UBE2E2: variants seen among roughly 807,000 people sequenced by gnomAD.
UBE2E2 encodes the protein ubiquitin conjugating enzyme E2 E2.
UBE2E2 carries 6 observed loss-of-function variants against 24.7 expected under a neutral mutation model. That is an observed-to-expected ratio of 0.24 (90% CI 0.13 to 0.48). The LOEUF (loss-of-function observed/expected upper bound fraction) is 0.48. Among genes scored for constraint, UBE2E2 ranks in the 20% least tolerant of loss-of-function variants. The pLI is 0.99. For missense variants in UBE2E2, 169 were observed against 245.0 expected (o/e 0.69, Z 2.07); for synonymous variants, 104 against 83.6 (o/e 1.24, Z -1.33).
intron 3 of UBE2E2, among the ~76,000 whole-genome samples, chr3:23,404,254 T>C (rs916443637): frequency 8.5e-5 from 13 of 152,194 alleles, no homozygotes; most frequent in African/African-American, 3.1e-4. Flanking sequence ...TTGGTATTTA[T>C]TGAACATTGG....
At chr3:23,350,305 T>A (rs537064765) in intron 3 of UBE2E2, among the ~76,000 whole-genome samples, 86 of 152,184 alleles carry the variant, frequency 5.7e-4, no homozygotes, top group African/African-American at 2.0e-3. Flanking sequence ...GCAGAAAAAC[T>A]GGAAACCCTA....
intron 3 of UBE2E2, among the ~76,000 whole-genome samples, chr3:23,356,921 C>G (rs1695971108): frequency 6.6e-6 from 1 of 152,246 alleles, no homozygotes; most frequent in Non-Finnish European, 1.5e-5. Context: ...AAGTTTATTT[C>G]TCCTCACACA....
chr3:23,358,587 GAATT>G (rs1696030660), intron 3 of UBE2E2, among the ~76,000 whole-genome samples: 1 of 152,042 alleles, frequency 6.6e-6, no homozygotes, highest in African/African-American at 2.4e-5. Flanking sequence ...AACAATCTGA[GAATT>G]AAATTCATAT....
At chr3:23,586,685 C>T (rs1335292228) in intron 5 of UBE2E2, among the ~76,000 whole-genome samples, 8 of 152,076 alleles carry the variant, frequency 5.3e-5, no homozygotes, top group African/African-American at 1.9e-4. Context: ...ATTTGTATAA[C>T]TTCCAAAGAT....
At chr3:23,332,093 A>G (rs1695073507) in intron 3 of UBE2E2, among the ~76,000 whole-genome samples, 1 of 152,118 alleles carries the variant, frequency 6.6e-6, no homozygotes, top group Non-Finnish European at 1.5e-5. Context: ...AATAATTTGT[A>G]TTAATGCTAT....
chr3:23,234,189 T>A (rs1034270606), intron 3 of UBE2E2, among the ~76,000 whole-genome samples: 4 of 151,710 alleles, frequency 2.6e-5, no homozygotes, highest in African/African-American at 9.7e-5. Context: ...TCTGTCATCA[T>A]TCTCTGTGCC....
At chr3:23,549,763 T>C (rs755346526) in intron 5 of UBE2E2, among the ~76,000 whole-genome samples, 2 of 152,148 alleles carry the variant, frequency 1.3e-5, no homozygotes, top group Non-Finnish European at 2.9e-5. Flanking sequence ...CCGGGCGCGG[T>C]GGCTCACACC....
chr3:23,229,575 G>A (rs1696920832), intron 3 of UBE2E2, among the ~76,000 whole-genome samples: 1 of 152,212 alleles, frequency 6.6e-6, no homozygotes, highest in African/African-American at 2.4e-5. Flanking sequence ...TAACTAACTT[G>A]CTGAAGGTCA....
chr3:23,263,997 T>C (rs1356649277), intron 3 of UBE2E2, among the ~76,000 whole-genome samples: 2 of 152,178 alleles, frequency 1.3e-5, no homozygotes, highest in East Asian at 3.9e-4. Context: ...CTAATAATAA[T>C]AACAGTTAAC....
At chr3:23,517,368 A>G (rs147172873) in intron 4 of UBE2E2, among the ~76,000 whole-genome samples, 214 of 152,314 alleles carry the variant, frequency 1.4e-3, no homozygotes, top group Admixed American at 2.5e-3. Flanking sequence ...ATGACAAAGC[A>G]CATTTCCCTA....
intron 3 of UBE2E2, among the ~76,000 whole-genome samples, chr3:23,310,891 G>A (rs887772171): frequency 2.6e-5 from 4 of 152,046 alleles, no homozygotes; most frequent in African/African-American, 9.7e-5. Context: ...CAGTTCTAGG[G>A]TACATGTGCA....
intron 3 of UBE2E2, among the ~76,000 whole-genome samples, chr3:23,423,326 T>C (rs575699359): frequency 6.6e-6 from 1 of 152,328 alleles, no homozygotes; most frequent in East Asian, 1.9e-4. Flanking sequence ...TAAAGATATA[T>C]TTTTCAAAAG....
At chr3:23,538,271 TTG>T (rs1488539442) in intron 5 of UBE2E2, among the ~76,000 whole-genome samples, 41 of 152,172 alleles carry the variant, frequency 2.7e-4, no homozygotes, top group Admixed American at 2.7e-3. Context: ...AAAAGTTGGC[TTG>T]TCTTCTGTCA....
rs533287387 is a variant in UBE2E2, at chr3:23,483,154, G to A, written c.228-16454G>A. ...ATCTCCTGCTTTCAGTCCACACTAA[G>A]CCTTGCTGTCAGAGTGTTGCATGGA... On this transcript the variant is annotated intron_variant, in intron 3 of 5. Transcript: ENST00000396703. 5.3e-5 allele frequency among the ~76,000 whole-genome samples: 8 copies of A among 152,284 alleles called. No individual in the cohort carries two copies. In the East Asian group the frequency reaches 1.2e-3, roughly 22 times the overall value.
chr3:23,272,652 A>AC (rs1264854780), intron 3 of UBE2E2, among the ~76,000 whole-genome samples: 1 of 152,134 alleles, frequency 6.6e-6, no homozygotes, highest in Non-Finnish European at 1.5e-5. Context: ...GAAATAGACT[A>AC]TCTATCTATC....
At chr3:23,458,712 T>C (rs1001753703) in intron 3 of UBE2E2, among the ~76,000 whole-genome samples, 9 of 152,112 alleles carry the variant, frequency 5.9e-5, no homozygotes, top group East Asian at 1.9e-4. Context: ...CCACCGCGCC[T>C]GGCCAGAGAT....
intron 5 of UBE2E2, among the ~76,000 whole-genome samples, chr3:23,582,220 A>G (rs956667905): frequency 1.3e-5 from 2 of 152,200 alleles, no homozygotes; most frequent in African/African-American, 4.8e-5. Flanking sequence ...GTTGCTGCAA[A>G]GGACATGATC....
chr3:23,304,216 T>C (rs1699183020), intron 3 of UBE2E2, among the ~76,000 whole-genome samples: 1 of 152,218 alleles, frequency 6.6e-6, no homozygotes, highest in East Asian at 1.9e-4. Flanking sequence ...GGTGAAATTA[T>C]AGCAGAAGGG....
At chr3:23,258,402 GT>G (rs1457253771) in intron 3 of UBE2E2, among the ~76,000 whole-genome samples, 1 of 152,142 alleles carries the variant, frequency 6.6e-6, no homozygotes, top group Non-Finnish European at 1.5e-5. Flanking sequence ...ATTTAAACAT[GT>G]TCGTATCAAC....
Sources: gnomAD v4.1 joint callset for allele counts (sites outside exome capture counted in the v4.1 genomes callset) on GRCh38, gnomAD v4.1.1 for gene constraint, MANE v1.5 for transcripts, NCBI Gene and HGNC (gene_info 2026-07-23, HGNC 2026-07-21) for gene names.